Variants in PADI4 observed in about 807,000 individuals in gnomAD.
The protein encoded by PADI4 is peptidyl arginine deiminase 4.
In PADI4, 62 loss-of-function variants were observed where a neutral mutation model predicts 75.0. That is an observed-to-expected ratio of 0.83 (90% CI 0.67 to 1.02). PADI4 has a LOEUF of 1.02. Ranked by LOEUF, PADI4 falls within the 50% of genes least tolerant of loss-of-function variation. PADI4 has a pLI of 0.00. For missense variants in PADI4, 845 were observed against 850.5 expected, an observed-to-expected ratio of 0.99 and a Z score of 0.08; for synonymous variants, 361 against 348.1, an observed-to-expected ratio of 1.04 and a Z score of -0.41.
At chr1:17,331,886 C>T (rs1172636819) in intron 2 of PADI4, among the ~76,000 whole-genome samples, 1 of 152,124 alleles carries the variant, frequency 6.6e-6, no homozygotes, top group Non-Finnish European at 1.5e-5. Flanking sequence ...CCACTTCACT[C>T]CAGCCTGGGT....
intron 10 of PADI4, among the ~76,000 whole-genome samples, chr1:17,349,917 A>C: frequency 8.3e-6 from 1 of 121,036 alleles, no homozygotes; most frequent in African/African-American, 2.6e-5. Context: ...ACGTTTCCCC[A>C]CCTCACGGTC....
chr1:17,314,326 A>G (rs1455782891), intron 1 of PADI4, among the ~76,000 whole-genome samples: 5 of 152,210 alleles, frequency 3.3e-5, no homozygotes, highest in Non-Finnish European at 7.3e-5. Flanking sequence ...GAATGAAGGA[A>G]AACAACAGCA....
Position 17,363,597 on chromosome 1 carries a change from C to T in PADI4, c.1834C>T (p.Leu612=). 6.2e-7 allele frequency: 1 copy of T among 1,614,210 alleles called. No individual in the cohort carries two copies. The highest frequency in any genetic ancestry group is 8.5e-7 in the Non-Finnish European group (1 of 1,180,016). Residue 612 remains leucine (L), a synonymous_variant, in exon 16 of 16, where the codon CTG becomes TTG. Transcript: ENST00000375448. ...GCCCGTCATCAACGGCCGCTGCTGC[C>T]TGGAGGAGAAGGTGTGTTCCCTGCT... ...FGPVINGRCC[L]EEKVCSLLEP... is the part of the protein sequence containing the mutation.
At chr1:17,331,393 T>G (rs765294637) in intron 2 of PADI4, among the ~76,000 whole-genome samples, 14 of 152,258 alleles carry the variant, frequency 9.2e-5, no homozygotes, top group Middle Eastern at 3.4e-3. Context: ...ACCTAACACA[T>G]GCCAGACACT....
chr1:17,339,698 C>T lies in PADI4; in HGVS notation c.537C>T (p.Asp179=). ...CCCTTCTCATCCCAGACCTGCAGGA[C>T]ATGTCGCTGATGACCCTGAGCACGA... ...DEVLDSEDLQ[D]MSLMTLSTKT... The change falls in exon 6 of 16, where the codon GAC becomes GAT. Residue 179 remains aspartate, a synonymous_variant. Coordinates refer to ENST00000375448, the MANE Select transcript of PADI4 (RefSeq NM_012387.3). The T allele has an allele frequency of 6.2e-7, 1 of 1,613,988 alleles. No individual in the cohort carries two copies. The highest frequency in any genetic ancestry group is 8.5e-7 in the Non-Finnish European group (1 of 1,179,936).
Position 17,360,290 on chromosome 1 carries a change from C to T in PADI4, c.1758+882C>T, listed in dbSNP as rs370353852. Among the ~76,000 whole-genome samples the T allele has an allele frequency of 5.0e-4, 69 of 139,170 alleles. 1 individual carries two copies. The highest frequency in any genetic ancestry group is 1.8e-3 in the African/African-American group (64 of 35,934). 91.3% of individuals were successfully genotyped at this position (139,170 alleles called of 152,430 possible). ...TGGGTAACAGAGTGAGACTTTGTCT[C>T]GGGAAAAAAAAAAAAAAAGACAGTC... On this transcript the variant is annotated intron_variant, in intron 15 of 15. Coordinates refer to ENST00000375448, the MANE Select transcript of PADI4 (RefSeq NM_012387.3).
intron 1 of PADI4, among the ~76,000 whole-genome samples, chr1:17,313,273 G>A (rs1384475032): frequency 2.0e-5 from 3 of 151,918 alleles, no homozygotes; most frequent in Non-Finnish European, 4.4e-5. Flanking sequence ...GCTGAAGTGG[G>A]CAGATCACTT....
At chr1:17,339,629 T>C in intron 5 of PADI4, 59 bp from the exon 6 acceptor site, 1 of 1,601,402 alleles carries the variant, frequency 6.2e-7, no homozygotes, top group East Asian at 2.2e-5. Context: ...GAGGTGGCTA[T>C]GGGAAACCAG....
At chr1:17,339,333 G>A (rs2074372738) in intron 5 of PADI4, among the ~76,000 whole-genome samples, 1 of 152,164 alleles carries the variant, frequency 6.6e-6, no homozygotes, top group Admixed American at 6.5e-5. Context: ...TCTCAGCCGA[G>A]CGCCTGCCGC....
chr1:17,352,005 A>ATGGGAGG (rs68101490), intron 10 of PADI4, among the ~76,000 whole-genome samples: 1,558 of 20,934 alleles, frequency 0.074, 136 homozygotes, highest in African/African-American at 0.14. Context: ...CAGGGAGGTG[A>ATGGGAGG]TGGGAGGAGA....
chr1:17,310,851 C>A (rs1321436632), intron 1 of PADI4, among the ~76,000 whole-genome samples: 1 of 152,140 alleles, frequency 6.6e-6, no homozygotes, highest in African/African-American at 2.4e-5. Flanking sequence ...GTAATCCCAG[C>A]ACTTTGGGAG....
chr1:17,342,094 C>T lies in PADI4; in HGVS notation c.804C>T (p.Thr268=). The change falls in exon 7 of 16, where the codon ACC becomes ACT. Residue 268 remains threonine, a synonymous_variant. Coordinates refer to ENST00000375448, the MANE Select transcript of PADI4 (RefSeq NM_012387.3). The stretch of plus-strand genomic sequence containing the variant: ...ACTTCCCGGGGCTCATTACCCTCAC[C>T]ATCTCCCTGCTGGACACGTCCAACC... ...DTDFPGLITL[T]ISLLDTSNLE... 1 of 1,614,080 alleles carries T rather than the reference C, an allele frequency of 6.2e-7. No individual in the cohort carries two copies.
intron 4 of PADI4, among the ~76,000 whole-genome samples, chr1:17,336,683 G>A (rs1421313509): frequency 2.0e-5 from 3 of 152,212 alleles, no homozygotes; most frequent in Non-Finnish European, 4.4e-5. Flanking sequence ...ACAGGATGAT[G>A]GGATGTGCAG....
chr1:17,318,370 G>A (rs1472222544), intron 1 of PADI4, among the ~76,000 whole-genome samples: 2 of 152,210 alleles, frequency 1.3e-5, no homozygotes, highest in African/African-American at 4.8e-5. Context: ...CTCACTCATA[G>A]GATGATTGTG....
rs575272541 is a variant in PADI4, at chr1:17,333,582, G to A, written c.274-361G>A. ...TTTCCTTGATCCCTTCTGCTTGCCA[G>A]AGTCAGTTCTGTGGCTTATGATCAG... On this transcript the variant is annotated intron_variant, in intron 2 of 15. Coordinates refer to ENST00000375448, the MANE Select transcript of PADI4 (RefSeq NM_012387.3). Among the ~76,000 whole-genome samples, 3 of 151,744 alleles carry A rather than the reference G, an allele frequency of 2.0e-5. No individual in the cohort carries two copies. The South Asian group carries it at 6.3e-4, about 32-fold the overall frequency.
chr1:17,323,836 A>T (rs888736549), intron 1 of PADI4, among the ~76,000 whole-genome samples: 2 of 147,578 alleles, frequency 1.4e-5, no homozygotes, highest in African/African-American at 2.5e-5. Flanking sequence ...CTCAAAAAAC[A>T]AGCAAACAAA....
At chr1:17,336,030 A>G (rs2074302539) in intron 3 of PADI4, 129 bp from the exon 4 acceptor site, 6 of 656,624 alleles carry the variant, frequency 9.1e-6, no homozygotes, top group South Asian at 3.5e-5. Context: ...CCTCTGAAGG[A>G]CGGGAAGAGG....
chr1:17,360,307 A>C (rs2074831296), intron 15 of PADI4, among the ~76,000 whole-genome samples: 1 of 152,002 alleles, frequency 6.6e-6, no homozygotes, highest in African/African-American at 2.4e-5. Flanking sequence ...AAAAAAAAAA[A>C]AGACAGTCAT....
At position 17,352,021 on chromosome 1, in the gene PADI4, CCAGGGAGGTGATGGGAGGAGAGGCAGT is replaced by C. The variant is rs1557576619; in HGVS notation, c.1156-2493_1156-2467del. ...AGGGAGGTGATGGGAGGAGAGGCGG[CCAGGGAGGTGATGGGAGGAGAGGCAGT>C]CAGGGAGGTGATGGGAGGTGGGAAG... is the stretch of plus-strand genomic sequence containing the variant. On this transcript the variant is annotated intron_variant, in intron 10 of 15. Coordinates refer to ENST00000375448, the MANE Select transcript of PADI4 (RefSeq NM_012387.3). Among the ~76,000 whole-genome samples, 132 of 13,424 alleles carry C rather than the reference CCAGGGAGGTGATGGGAGGAGAGGCAGT, an allele frequency of 9.8e-3. 6 individuals carry two copies. The highest frequency in any genetic ancestry group is 0.038 in the Middle Eastern group (1 of 26). The allele number at this position is 13,424 out of a possible 152,430, so 8.8% of individuals were successfully genotyped here.
Sources: gnomAD v4.1 joint callset for allele counts (sites outside exome capture counted in the v4.1 genomes callset) on GRCh38, gnomAD v4.1.1 for gene constraint, MANE v1.5 for transcripts, NCBI Gene and HGNC (gene_info 2026-07-23, HGNC 2026-07-21) for gene names.